Variants in ADGB observed in about 807,000 individuals in gnomAD.
The protein encoded by ADGB is androglobin, also known as calpain-7-like protein.
Under a neutral mutation model 210.5 loss-of-function variants are expected in ADGB, and 172 were observed. The observed-to-expected ratio is 0.82, with a 90% CI of 0.72 to 0.93. ADGB has a LOEUF of 0.93. Ranked by LOEUF, ADGB falls within the 40% of genes least tolerant of loss-of-function variation. The probability of loss-of-function intolerance (pLI) is 0.00; values close to 1 mark genes in which losing one functional copy is unlikely to be tolerated. For missense variants in ADGB, 2,025 were observed against 1,964.8 expected, an observed-to-expected ratio of 1.03 and a Z score of -0.58; for synonymous variants, 658 against 662.7, an observed-to-expected ratio of 0.99 and a Z score of 0.11.
At chr6:146,660,783 A>G (rs931757468) in intron 5 of ADGB, among the ~76,000 whole-genome samples, 2 of 152,168 alleles carry the variant, frequency 1.3e-5, no homozygotes, top group Non-Finnish European at 2.9e-5. Flanking sequence ...TTCCATCAAA[A>G]TATTTGCAAA....
At chr6:146,615,063 G>T (rs1244347728) in intron 1 of ADGB, among the ~76,000 whole-genome samples, 1 of 148,604 alleles carries the variant, frequency 6.7e-6, no homozygotes, top group Non-Finnish European at 1.5e-5. Flanking sequence ...ACCACGCCCG[G>T]CTAATTTTTT....
chr6:146,598,973 G>T lies in ADGB; in HGVS notation c.-68G>T. ...CGGGACGCCGTCTCCTGGCAACGCAGACGCGGAGCCGAGCGCGCCCGCAGG... is the reference window on the plus strand; with the variant it reads ...CGGGACGCCGTCTCCTGGCAACGCATACGCGGAGCCGAGCGCGCCCGCAGG... On this transcript the variant is annotated 5_prime_UTR_variant, in exon 1 of 36. Coordinates refer to ENST00000397944, the MANE Select transcript of ADGB (RefSeq NM_024694.4). 7.0e-7 allele frequency: 1 copy of T among 1,418,594 alleles called. No homozygotes were observed. The allele number at this position is 1,418,594 out of a possible 1,614,324, so 87.9% of individuals were successfully genotyped here. A position where few individuals can be genotyped will look rare whatever the true frequency, so the allele number is the denominator to read the frequency against.
intron 4 of ADGB, among the ~76,000 whole-genome samples, chr6:146,654,985 AACC>A (rs1775759242): frequency 6.6e-6 from 1 of 152,166 alleles, no homozygotes; most frequent in Non-Finnish European, 1.5e-5. Context: ...AGACCCTGGT[AACC>A]ACCGTTTCTC....
chr6:146,734,017 A>T lies in ADGB; in HGVS notation c.2781A>T (p.Lys927Asn). Residue 927 changes from lysine to asparagine, a missense_variant, in exon 22 of 36, where the codon AAA becomes AAT. Transcript: ENST00000397944. Reference protein sequence around the residue: ...WRGTYVRLLMKARIPDTKENI... With the variant: ...WRGTYVRLLMNARIPDTKENI... ...GAACTTACGTTAGATTGCTTATGAA[A>T]GCCAGAATACCAGGTATGATTGTCC... is the stretch of plus-strand genomic sequence containing the variant. The T allele has an allele frequency of 6.4e-7, 1 of 1,551,492 alleles. No homozygotes were observed. Among genetic ancestry groups the T allele is most frequent in the Non-Finnish European group, 8.7e-7 (1 of 1,146,886 alleles).
chr6:146,716,029 C>T (rs1776727682), intron 14 of ADGB, among the ~76,000 whole-genome samples: 1 of 144,702 alleles, frequency 6.9e-6, no homozygotes, highest in African/African-American at 2.6e-5. Flanking sequence ...GATCGTGCCA[C>T]TGCACTCCAG....
intron 23 of ADGB, among the ~76,000 whole-genome samples, chr6:146,738,438 C>CTTTTTT (rs71031008): frequency 2.5e-4 from 18 of 71,388 alleles, no homozygotes; most frequent in African/African-American, 7.4e-4. Flanking sequence ...CCCATTTCAT[C>CTTTTTT]TTTTTTTTTT....
At chr6:146,708,877 G>A (rs1305328861) in intron 13 of ADGB, among the ~76,000 whole-genome samples, 1 of 152,064 alleles carries the variant, frequency 6.6e-6, no homozygotes, top group Non-Finnish European at 1.5e-5. Context: ...CCCATAAACT[G>A]TGTAGTCCTT....
intron 16 of ADGB, among the ~76,000 whole-genome samples, chr6:146,718,032 C>A (rs754951424): frequency 1.3e-5 from 2 of 152,194 alleles, no homozygotes; most frequent in Non-Finnish European, 2.9e-5. Context: ...TCCCTGTTAT[C>A]CTCATTGCTG....
At chr6:146,814,996 T>C in intron 35 of ADGB, 36 bp from the exon 36 acceptor site, 1 of 1,513,616 alleles carries the variant, frequency 6.6e-7, no homozygotes, top group Non-Finnish European at 8.8e-7. Flanking sequence ...CCTTTACCAG[T>C]GGAACTTATT....
chr6:146,714,168 T>G (rs545291338), intron 13 of ADGB, among the ~76,000 whole-genome samples: 1 of 152,206 alleles, frequency 6.6e-6, no homozygotes, highest in East Asian at 1.9e-4. Flanking sequence ...TACATATATA[T>G]TTAAGAAATT....
intron 5 of ADGB, among the ~76,000 whole-genome samples, chr6:146,657,800 G>A (rs1469395297): frequency 1.3e-5 from 2 of 152,178 alleles, no homozygotes; most frequent in East Asian, 3.9e-4. Context: ...TTGTTTTCAT[G>A]TAAGCAAATC....
chr6:146,749,974 T>G (rs1334704590), intron 26 of ADGB, among the ~76,000 whole-genome samples: 1 of 152,106 alleles, frequency 6.6e-6, no homozygotes, highest in African/African-American at 2.4e-5. Context: ...ACCCTGATTA[T>G]CATAATTCAA....
At chr6:146,781,953 T>C in intron 29 of ADGB, 67 bp from the exon 30 acceptor site, 1 of 1,192,918 alleles carries the variant, frequency 8.4e-7, no homozygotes, top group Non-Finnish European at 1.1e-6. Flanking sequence ...TTGATTCCCT[T>C]GTCCCCTGTG....
intron 3 of ADGB, 39 bp downstream of exon 3, chr6:146,644,904 G>A: frequency 8.2e-7 from 1 of 1,217,610 alleles, no homozygotes; most frequent in Non-Finnish European, 1.1e-6. Context: ...TACTTACTAT[G>A]TGGATGTATT....
intron 29 of ADGB, among the ~76,000 whole-genome samples, chr6:146,772,171 T>C (rs1448956400): frequency 6.6e-6 from 1 of 152,092 alleles, no homozygotes; most frequent in Non-Finnish European, 1.5e-5. Flanking sequence ...CTGAATTCAA[T>C]TGAAGATCTT....
intron 23 of ADGB, among the ~76,000 whole-genome samples, chr6:146,738,005 T>G (rs950459604): frequency 1.3e-5 from 2 of 152,236 alleles, no homozygotes; most frequent in Admixed American, 1.3e-4. Flanking sequence ...CATCCAAAGC[T>G]ACCTTATCCT....
Position 146,657,394 on chromosome 6 carries a change from A to T in ADGB, c.612+414A>T, listed in dbSNP as rs78862227. 7.8e-3 allele frequency among the ~76,000 whole-genome samples: 1,187 copies of T among 152,174 alleles called. 13 individuals are homozygous for T. Among genetic ancestry groups the T allele is most frequent in the African/African-American group, 0.027 (1,134 of 41,528 alleles). ...AAGGAAGGTTGCCTTGCACACCATT[A>T]CTTAGGCTAGTACAAGATAATGCAG... is the stretch of plus-strand genomic sequence containing the variant. On this transcript the variant is annotated intron_variant, in intron 5 of 35. Transcript: ENST00000397944.
rs183172324 is a variant in ADGB, at chr6:146,728,799, A to C, written c.2520+58A>C. On this transcript the variant is annotated intron_variant, in intron 20 of 35. Coordinates refer to ENST00000397944, the MANE Select transcript of ADGB (RefSeq NM_024694.4). ...GGAAACTTTCTTTTCAAAATGGTAT[A>C]TCTTCCATTAGGTGACCTCCCAAAT... The C allele has an allele frequency of 1.1e-3, 1,554 of 1,387,840 alleles. 9 individuals carry two copies. Among genetic ancestry groups the C allele is most frequent in the Middle Eastern group, 8.5e-3 (46 of 5,386 alleles). The allele number at this position is 1,387,840 out of a possible 1,614,324, so 86.0% of individuals were successfully genotyped here.
At chr6:146,795,139 T>C (rs1233444105) in intron 33 of ADGB, among the ~76,000 whole-genome samples, 1 of 152,070 alleles carries the variant, frequency 6.6e-6, no homozygotes, top group African/African-American at 2.4e-5. Flanking sequence ...TAGAAGCAAA[T>C]TGCTAAGTAA....
Sources: allele counts gnomAD v4.1 joint callset (sites outside exome capture counted in the v4.1 genomes callset), GRCh38; gene constraint gnomAD v4.1.1; transcripts MANE v1.5; gene names NCBI Gene and HGNC (gene_info 2026-07-23, HGNC 2026-07-21).